Variants in PTGS1 observed in about 807,000 individuals in gnomAD.
PTGS1 encodes the protein prostaglandin-endoperoxide synthase 1.
Under a neutral mutation model 63.0 loss-of-function variants are expected in PTGS1, and 40 were observed. That is an observed-to-expected ratio of 0.63 (90% CI 0.49 to 0.83). The LOEUF is 0.83. Among genes scored for constraint, PTGS1 ranks in the 40% least tolerant of loss-of-function variants. PTGS1 has a pLI of 0.00. For synonymous variants in PTGS1, 298 were observed against 301.9 expected, an observed-to-expected ratio of 0.99 and a Z score of 0.13; for missense variants, 709 against 786.5, an observed-to-expected ratio of 0.90 and a Z score of 1.18.
Position 122,381,559 on chromosome 9 carries a change from A to T in PTGS1, c.678+7A>T. The T allele has an allele frequency of 6.2e-7, 1 of 1,614,034 alleles. No homozygotes were observed. The highest frequency in any genetic ancestry group is 8.5e-7 in the Non-Finnish European group (1 of 1,179,900). On this transcript the variant is annotated splice_region_variant and intron_variant, in intron 6 of 10. Transcript: ENST00000362012. ...CAAGGCCTTGGGCCATGGGGTGAGTACCTAGGAGGGGCTCAGGACTGCTCT... is the reference window on the plus strand; with the variant it reads ...CAAGGCCTTGGGCCATGGGGTGAGTTCCTAGGAGGGGCTCAGGACTGCTCT...
chr9:122,389,107 G>A (rs76308712), intron 9 of PTGS1, among the ~76,000 whole-genome samples: 4,246 of 145,436 alleles, frequency 0.029, 177 homozygotes, highest in African/African-American at 0.098. Flanking sequence ...AAGCATGAAC[G>A]TTATTATTTC....
intron 2 of PTGS1, among the ~76,000 whole-genome samples, chr9:122,376,219 A>C (rs539221667): frequency 6.6e-6 from 1 of 152,208 alleles, no homozygotes; most frequent in African/African-American, 2.4e-5. Context: ...TGCCTGATAA[A>C]GCCTTTTTGT....
In PTGS1 at chr9:122,381,457, C is replaced by T. The variant is rs955299223; in HGVS notation, c.583C>T (p.Leu195Phe). 6.2e-7 allele frequency: 1 copy of T among 1,614,234 alleles called. No individual in the cohort carries two copies. Among genetic ancestry groups the T allele is most frequent in the Non-Finnish European group, 8.5e-7 (1 of 1,180,044 alleles). ...CATACCTGACCCCCAAGGCACCAACCTCATGTTTGCCTTCTTTGCACAACA... is the reference window on the plus strand; with the variant it reads ...CATACCTGACCCCCAAGGCACCAACTTCATGTTTGCCTTCTTTGCACAACA... ...KFIPDPQGTN[L>F]MFAFFAQHFT... The change falls in exon 6 of 11, where the codon CTC becomes TTC. Residue 195 changes from leucine (L) to phenylalanine (F), a missense_variant. Transcript: ENST00000362012.
Position 122,386,678 on chromosome 9 carries a change from G to T in PTGS1, c.1242G>T (p.Val414=). 3 of 1,614,232 alleles carry T rather than the reference G, an allele frequency of 1.9e-6. No individual in the cohort carries two copies. Among genetic ancestry groups the T allele is most frequent in the Non-Finnish European group, 2.5e-6 (3 of 1,180,042 alleles). Residue 414 remains valine, a synonymous_variant, in exon 9 of 11, where the codon GTG becomes GTT. Transcript: ENST00000362012. ...TCTTGTTCAACACCTCCATGTTGGT[G>T]GACTATGGGGTTGAGGCCCTGGTGG... ...EQFLFNTSML[V]DYGVEALVDA... is the part of the protein sequence containing the mutation.
Position 122,392,586 on chromosome 9 carries a change from T to C in PTGS1, c.*42T>C, listed in dbSNP as rs750809912. ...ATTCTGGAGGGGAGAGCTTTGTGCTTGTCATTCCAGAGTGCTGAGGCCAGG... is the reference window on the plus strand; with the variant it reads ...ATTCTGGAGGGGAGAGCTTTGTGCTCGTCATTCCAGAGTGCTGAGGCCAGG... On this transcript the variant is annotated 3_prime_UTR_variant, in exon 11 of 11. Transcript: ENST00000362012. 1.3e-6 allele frequency: 2 copies of C among 1,566,964 alleles called. No individual in the cohort carries two copies. The highest frequency in any genetic ancestry group is 1.7e-6 in the Non-Finnish European group (2 of 1,148,200).
intron 10 of PTGS1, among the ~76,000 whole-genome samples, chr9:122,390,959 A>G (rs1427011924): frequency 6.6e-6 from 1 of 152,004 alleles, no homozygotes; most frequent in Non-Finnish European, 1.5e-5. Flanking sequence ...ACAGTCATAG[A>G]TGTGGCTGGG....
chr9:122,388,028 T>G lies in PTGS1; in HGVS notation c.1296+1296T>G, dbSNP rs935164147. Among the ~76,000 whole-genome samples, 5 of 152,376 alleles carry G rather than the reference T, an allele frequency of 3.3e-5. No homozygotes were observed. In the East Asian group the frequency reaches 9.6e-4, roughly 29 times the overall value. On this transcript the variant is annotated intron_variant, in intron 9 of 10. Transcript: ENST00000362012. ...GCTTTATGGCCTCTTTGTCGGTTTCTTTATGGTTCTTTGTGGGGACACAAG... is the reference window on the plus strand; with the variant it reads ...GCTTTATGGCCTCTTTGTCGGTTTCGTTATGGTTCTTTGTGGGGACACAAG...
In PTGS1 at chr9:122,375,447, G is replaced by A. The variant is rs1255764158; in HGVS notation, c.95-2452G>A. 4 of 985,386 alleles carry A rather than the reference G, an allele frequency of 4.1e-6. No individual in the cohort carries two copies. The African/African-American group carries it at 7.0e-5, about 17-fold the overall frequency. The allele number at this position is 985,386 out of a possible 1,614,324, so 61.0% of individuals were successfully genotyped here. ...GACTCCTTTTGGTCAGGCTGGAGGTGACCAATCTCCTCACTTCATTTTATT... is the reference window on the plus strand; with the variant it reads ...GACTCCTTTTGGTCAGGCTGGAGGTAACCAATCTCCTCACTTCATTTTATT... On this transcript the variant is annotated intron_variant, in intron 2 of 10. Transcript: ENST00000362012.
intron 5 of PTGS1, 90 bp from the exon 6 acceptor site, chr9:122,381,281 T>C: frequency 1.4e-6 from 2 of 1,417,872 alleles, no homozygotes; most frequent in African/African-American, 1.4e-5. Context: ...GGCTTCCTGC[T>C]TGGGCCAGTT....
chr9:122,373,541 C>T (rs1475583641), intron 2 of PTGS1, among the ~76,000 whole-genome samples: 2 of 152,188 alleles, frequency 1.3e-5, no homozygotes, highest in South Asian at 4.1e-4. Flanking sequence ...CAAGTACTTC[C>T]CCTCTAGTCT....
At chr9:122,391,416 TATATATATATAC>T (rs1838269537) in intron 10 of PTGS1, among the ~76,000 whole-genome samples, 12 of 31,256 alleles carry the variant, frequency 3.8e-4, no homozygotes, top group Admixed American at 5.4e-4. Flanking sequence ...TATACATATA[TATATATATATAC>T]ATATATATAT....
At chr9:122,389,478 C>T (rs1419815540) in intron 9 of PTGS1, among the ~76,000 whole-genome samples, 4 of 152,174 alleles carry the variant, frequency 2.6e-5, no homozygotes, top group Admixed American at 2.6e-4. Context: ...TAGACTAATG[C>T]GCCTTAACTG....
In PTGS1 at chr9:122,380,174, C is replaced by G. The variant is rs145616024; in HGVS notation, c.497-1197C>G. Among the ~76,000 whole-genome samples the G allele has an allele frequency of 3.0e-3, 457 of 152,168 alleles. 2 individuals are homozygous for G. The highest frequency in any genetic ancestry group is 5.4e-3 in the Non-Finnish European group (368 of 68,024). The stretch of plus-strand genomic sequence containing the variant: ...TAGTGGGTGGGGAGAGTCTATGATG[C>G]CTGATAGGTGGTGGTGTGGTGGCAC... On this transcript the variant is annotated intron_variant, in intron 5 of 10. Transcript: ENST00000362012.
intron 7 of PTGS1, 107 bp downstream of exon 7, chr9:122,381,854 A>C: frequency 1.7e-6 from 2 of 1,191,430 alleles, no homozygotes; most frequent in Non-Finnish European, 1.2e-6. Flanking sequence ...AGGGCCAACC[A>C]CGGGAGTGGG....
rs1260593404 is a variant in PTGS1, at chr9:122,392,045, T to G, written c.1445-144T>G. 6 of 675,462 alleles carry G rather than the reference T, an allele frequency of 8.9e-6. No homozygotes were observed. In the East Asian group the frequency reaches 1.7e-4, roughly 19 times the overall value. The allele number at this position is 675,462 out of a possible 1,614,324, so 41.8% of individuals were successfully genotyped here. A position where few individuals can be genotyped will look rare whatever the true frequency, so the allele number is the denominator to read the frequency against. On this transcript the variant is annotated intron_variant, in intron 10 of 10. Coordinates refer to ENST00000362012, the MANE Select transcript of PTGS1 (RefSeq NM_000962.4). ...CCCCAGTGCCAACCATGCCAAATTC[T>G]AGGGCACATGCTCAGTTGCTCAAGT...
intron 3 of PTGS1, 41 bp from the exon 4 acceptor site, chr9:122,378,392 G>T: frequency 3.7e-6 from 6 of 1,609,510 alleles, no homozygotes; most frequent in Non-Finnish European, 5.1e-6. Flanking sequence ...TTCTGGTTCT[G>T]GTAGGAGGGA....
intron 5 of PTGS1, among the ~76,000 whole-genome samples, chr9:122,380,485 AT>A (rs1185147895): frequency 2.2e-4 from 34 of 151,594 alleles, no homozygotes; most frequent in African/African-American, 7.0e-4. Context: ...AAATAAATAA[AT>A]AAATAAATAA....
At chr9:122,382,052 C>A (rs1321236351) in intron 7 of PTGS1, among the ~76,000 whole-genome samples, 2 of 152,180 alleles carry the variant, frequency 1.3e-5, no homozygotes, top group Non-Finnish European at 2.9e-5. Flanking sequence ...CGAGAATATA[C>A]CTGGCACAGG....
At chr9:122,378,948 G>T (rs374083009) in intron 5 of PTGS1, 30 bp downstream of exon 5, 2 of 1,612,760 alleles carry the variant, frequency 1.2e-6, no homozygotes, top group Non-Finnish European at 8.5e-7. Flanking sequence ...TGGGCCTGGG[G>T]ATTACAGGAG....
Sources: gnomAD v4.1 joint callset for allele counts (sites outside exome capture counted in the v4.1 genomes callset) on GRCh38, gnomAD v4.1.1 for gene constraint, MANE v1.5 for transcripts, NCBI Gene and HGNC (gene_info 2026-07-23, HGNC 2026-07-21) for gene names.